Variants in TTC16 observed in about 807,000 individuals in gnomAD.
TTC16 encodes tetratricopeptide repeat domain 16, also known as tetratricopeptide repeat protein 16.
Under a neutral mutation model 80.4 loss-of-function variants are expected in TTC16, and 66 were observed. That is an observed-to-expected ratio of 0.82 (90% CI 0.67 to 1.01). The LOEUF (loss-of-function observed/expected upper bound fraction) is 1.01. TTC16 is among the 50% of genes least tolerant of loss of function. TTC16 has a pLI of 0.00. For synonymous variants in TTC16, 438 were observed against 451.3 expected (o/e 0.97, Z 0.37); for missense variants, 1,070 against 1,103.2 (o/e 0.97, Z 0.43).
At position 127,723,224 on chromosome 9, in the gene TTC16, C is replaced by T. The variant is rs772802472; in HGVS notation, c.763C>T (p.Arg255Cys). 9.9e-6 allele frequency: 16 copies of T among 1,612,752 alleles called. No homozygotes were observed. The East Asian group carries it at 1.6e-4, about 16-fold the overall frequency. The change falls in exon 7 of 14, where the codon CGC becomes TGC. Residue 255 changes from arginine to cysteine, a missense_variant. Arg to Cys is a radical substitution (Grantham distance 180). Coordinates refer to ENST00000373289, the MANE Select transcript of TTC16 (RefSeq NM_144965.3). ...QKMVAQAQQA[R>C]QDAGILAVQG... is the part of the protein sequence containing the mutation. ...GATGGTGGCCCAGGCCCAGCAGGCG[C>T]GCCAAGATGCGGGGATCCTGGCTGT...
Position 127,730,709 on chromosome 9 carries a change from C to A in TTC16, c.1926C>A (p.Ala642=). The change falls in exon 14 of 14, where the codon GCC becomes GCA. Residue 642 remains alanine, a synonymous_variant. Transcript: ENST00000373289. ...CQEYRSTSAT[A]VTFSDSSLLK... The stretch of plus-strand genomic sequence containing the variant: ...AATACAGGAGCACCTCAGCCACCGC[C>A]GTGACATTCTCTGACTCGTCACTGT... 6.2e-7 allele frequency: 1 copy of A among 1,613,472 alleles called. No homozygotes were observed. The highest frequency in any genetic ancestry group is 8.5e-7 in the Non-Finnish European group (1 of 1,180,042).
At position 127,731,364 on chromosome 9, in the gene TTC16, A is replaced by G; in HGVS notation, c.2581A>G (p.Thr861Ala). 1 of 1,612,812 alleles carries G rather than the reference A, an allele frequency of 6.2e-7. No individual in the cohort carries two copies. Among genetic ancestry groups the G allele is most frequent in the South Asian group, 1.1e-5 (1 of 91,080 alleles). Residue 861 changes from threonine to alanine, a missense_variant, in exon 14 of 14, where the codon ACT (threonine) becomes GCT (alanine). Physicochemically the swap from Thr to Ala is moderately conservative, Grantham distance 58. Coordinates refer to ENST00000373289, the MANE Select transcript of TTC16 (RefSeq NM_144965.3). The stretch of plus-strand genomic sequence containing the variant: ...GGGACCCAGCCCAAGTCTCAGCAAA[A>G]CTGAGGTTGATCAGGACCTCACCTA... ...TWGPSPSLSK[T>A]EVDQDLTYYE...
chr9:127,724,619 C>T, intron 8 of TTC16, 137 bp from the exon 9 acceptor site: 3 of 1,278,768 alleles, frequency 2.3e-6, no homozygotes, highest in Non-Finnish European at 2.1e-6. Flanking sequence ...GCCCAGAAAA[C>T]TAGAGAGGAC....
Position 127,729,525 on chromosome 9 carries a change from G to A in TTC16, c.1765-56G>A, listed in dbSNP as rs913989426. 4.1e-6 allele frequency: 6 copies of A among 1,463,666 alleles called. No individual in the cohort carries two copies. In the African/African-American group the frequency reaches 5.6e-5, roughly 14 times the overall value. The allele number at this position is 1,463,666 out of a possible 1,614,324, so 90.7% of individuals were successfully genotyped here. On this transcript the variant is annotated intron_variant, in intron 12 of 13. Transcript: ENST00000373289. ...GCCCAGGGCTGCTGGCCTTCTAGAG[G>A]TGCAGCTGCACGGGCCTCCTACCAT...
At position 127,730,955 on chromosome 9, in the gene TTC16, G is replaced by A; in HGVS notation, c.2172G>A (p.Arg724=). 3 of 1,613,074 alleles carry A rather than the reference G, an allele frequency of 1.9e-6. No homozygotes were observed. The highest frequency in any genetic ancestry group is 2.5e-6 in the Non-Finnish European group (3 of 1,179,848). ...AGAGGCGGAACTCCAGCAAGACCAG[G>A]GCCACCCAGGGCCAGGGGCAGAGCT... ...QSQRRNSSKT[R]ATQGQGQSSS... The change falls in exon 14 of 14, where the codon AGG becomes AGA. Residue 724 remains arginine, a synonymous_variant. Coordinates refer to ENST00000373289, the MANE Select transcript of TTC16 (RefSeq NM_144965.3).
At chr9:127,716,448 G>C (rs924979405) in intron 1 of TTC16, 2 of 574,940 alleles carry the variant, frequency 3.5e-6, no homozygotes, top group African/African-American at 3.8e-5. Context: ...TGGCCTGCTG[G>C]AGTGAGGGTC....
At position 127,724,352 on chromosome 9, in the gene TTC16, A is replaced by C; in HGVS notation, c.1105A>C (p.Ile369Leu). Residue 369 changes from isoleucine (I) to leucine (L), a missense_variant, in exon 8 of 14, where the codon ATC becomes CTC. Physicochemically the swap from Ile to Leu is conservative, Grantham distance 5. Coordinates refer to ENST00000373289, the MANE Select transcript of TTC16 (RefSeq NM_144965.3). ...CGAGCAGCAGGAGAAAGGACTCTAC[A>C]TCAACCGAGGCGGTGCGCAGCGACC... is the stretch of plus-strand genomic sequence containing the variant. ...RDEQQEKGLY[I>L]NRGDCFFQLG... 1.2e-6 allele frequency: 2 copies of C among 1,611,098 alleles called. No homozygotes were observed. Among genetic ancestry groups the C allele is most frequent in the Middle Eastern group, 1.7e-4 (1 of 6,058 alleles).
At chr9:127,716,459 C>T in intron 1 of TTC16, 1 of 563,650 alleles carries the variant, frequency 1.8e-6, no homozygotes, top group South Asian at 2.1e-5. Context: ...AGTGAGGGTC[C>T]TGAAGGTTAC....
At chr9:127,717,186 A>T in intron 2 of TTC16, 148 bp from the exon 3 acceptor site, 1 of 1,185,656 alleles carries the variant, frequency 8.4e-7, no homozygotes, top group Non-Finnish European at 1.2e-6. Context: ...GACTCCAGGA[A>T]CACCAGCCTG....
At position 127,726,419 on chromosome 9, in the gene TTC16, C is replaced by A. The variant is rs527482603; in HGVS notation, c.1425+15C>A. 12 of 1,576,014 alleles carry A rather than the reference C, an allele frequency of 7.6e-6. No individual in the cohort carries two copies. Among genetic ancestry groups the A allele is most frequent in the Admixed American group, 1.8e-5 (1 of 56,560 alleles). On this transcript the variant is annotated intron_variant, in intron 10 of 13. Coordinates refer to ENST00000373289, the MANE Select transcript of TTC16 (RefSeq NM_144965.3). ...AGCAACCAAAGGTAGGTTCCTGCCA[C>A]GTCAGGAGTGTAGGCTCCGGAGTCA...
Position 127,717,353 on chromosome 9 carries a change from T to C in TTC16, c.211T>C (p.Cys71Arg), listed in dbSNP as rs1843118871. 3.7e-6 allele frequency: 6 copies of C among 1,611,908 alleles called. No homozygotes were observed. The East Asian group carries it at 8.9e-5, about 24-fold the overall frequency. Residue 71 changes from cysteine to arginine, a missense_variant, in exon 3 of 14, where the codon TGC (cysteine) becomes CGC (arginine). Transcript: ENST00000373289. ...CCACAGCTACTCCAGAGGCCAGCAG[T>C]GCTTGGAGCAGGCAGACTGGGAGAC... ...VREYYSRGQQ[C>R]LEQADWETAV...
In TTC16 at chr9:127,717,374, G is replaced by C; in HGVS notation, c.232G>C (p.Glu78Gln). Residue 78 changes from glutamate to glutamine, a missense_variant, in exon 3 of 14, where the codon GAG (glutamate) becomes CAG (glutamine). Coordinates refer to ENST00000373289, the MANE Select transcript of TTC16 (RefSeq NM_144965.3). The stretch of plus-strand genomic sequence containing the variant: ...GCAGTGCTTGGAGCAGGCAGACTGG[G>C]AGACAGCTGTGCTGCTCTTCTCCCG... The part of the protein sequence containing the change: ...GQQCLEQADW[E>Q]TAVLLFSRAL... The C allele has an allele frequency of 6.2e-7, 1 of 1,612,918 alleles. No homozygotes were observed. The highest frequency in any genetic ancestry group is 8.5e-7 in the Non-Finnish European group (1 of 1,180,032).
At chr9:127,727,137 G>A in intron 11 of TTC16, 25 bp downstream of exon 11, 1 of 1,557,730 alleles carries the variant, frequency 6.4e-7, no homozygotes, top group Non-Finnish European at 8.7e-7. Context: ...AAGGGGCACA[G>A]GCCAGGGCTG....
chr9:127,724,043 G>C (rs1046635564), intron 7 of TTC16, 77 bp from the exon 8 acceptor site: 1 of 1,455,926 alleles, frequency 6.9e-7, no homozygotes, highest in Non-Finnish European at 9.1e-7. Flanking sequence ...GCAGTGGCTT[G>C]TCTGGCCACT....
At chr9:127,726,868 C>T (rs1180850955) in intron 10 of TTC16, 102 bp from the exon 11 acceptor site, 1 of 1,402,768 alleles carries the variant, frequency 7.1e-7, no homozygotes, top group African/African-American at 1.4e-5. Flanking sequence ...TTCTTCAGCC[C>T]TGGGAAGGGC....
intron 10 of TTC16, among the ~76,000 whole-genome samples, chr9:127,726,713 G>A (rs1359574648): frequency 6.7e-6 from 1 of 148,824 alleles, no homozygotes; most frequent in East Asian, 2.1e-4. Flanking sequence ...GCTTCGACCC[G>A]GGAGGCAGAG....
intron 3 of TTC16, 70 bp downstream of exon 3, chr9:127,717,494 C>G: frequency 6.3e-7 from 1 of 1,578,262 alleles, no homozygotes; most frequent in Non-Finnish European, 8.6e-7. Context: ...TCGCACCTGC[C>G]AGATCCCTCC....
chr9:127,721,223 T>C (rs1843484704), intron 6 of TTC16, among the ~76,000 whole-genome samples: 1 of 151,562 alleles, frequency 6.6e-6, no homozygotes, highest in South Asian at 2.1e-4. Context: ...TTTAGGAAGA[T>C]CATTCTGGTG....
chr9:127,727,655 C>T (rs1046123871), intron 12 of TTC16, 190 bp downstream of exon 12: 33 of 1,248,230 alleles, frequency 2.6e-5, no homozygotes, highest in Admixed American at 1.5e-4. Context: ...GTGCTCCTGA[C>T]GGAGGGTGTG....
Sources: gnomAD v4.1 joint callset for allele counts (sites outside exome capture counted in the v4.1 genomes callset) on GRCh38, gnomAD v4.1.1 for gene constraint, MANE v1.5 for transcripts, NCBI Gene and HGNC (gene_info 2026-07-23, HGNC 2026-07-21) for gene names.